TANK: variants seen among roughly 807,000 people sequenced by gnomAD.
The protein encoded by TANK is TRAF family member associated NFKB activator, also known as TRAF family member-associated NF-kappa-B activator.
A neutral mutation model predicts 43.6 loss-of-function variants in TANK; 15 were observed. That is an observed-to-expected ratio of 0.34 (90% CI 0.23 to 0.53). The LOEUF is 0.53. TANK is among the 20% of genes least tolerant of loss of function. TANK has a pLI of 0.94. For missense variants in TANK, 417 were observed against 498.6 expected, an observed-to-expected ratio of 0.84 and a Z score of 1.56; for synonymous variants, 162 against 178.2, an observed-to-expected ratio of 0.91 and a Z score of 0.73.
intron 2 of TANK, chr2:161,202,831 T>C (rs980292686): frequency 2.1e-6 from 1 of 465,396 alleles, no homozygotes; most frequent in Non-Finnish European, 4.4e-6. Flanking sequence ...CAGTACAAAC[T>C]TGTGTCTTTT....
In TANK at chr2:161,175,249, G is replaced by C. The variant is rs545678230; in HGVS notation, c.-49-4365G>C. On this transcript the variant is annotated intron_variant, in intron 1 of 7. Transcript: ENST00000392749. ...AAATATTTTATCAAATAAGCATATTGACCATAACACCCTGGGAGAGCACTT... is the reference window on the plus strand; with the variant it reads ...AAATATTTTATCAAATAAGCATATTCACCATAACACCCTGGGAGAGCACTT... Among the ~76,000 whole-genome samples the C allele has an allele frequency of 3.3e-5, 5 of 152,208 alleles. No individual in the cohort carries two copies. The South Asian group carries it at 1.0e-3, about 32-fold the overall frequency.
chr2:161,169,959 AC>A (rs1684869908), intron 1 of TANK, among the ~76,000 whole-genome samples: 1 of 152,110 alleles, frequency 6.6e-6, no homozygotes, highest in African/African-American at 2.4e-5. Flanking sequence ...CTTTGTTCCG[AC>A]CCTAACCCCA....
chr2:161,190,664 C>T (rs113252764), intron 2 of TANK, among the ~76,000 whole-genome samples: 2 of 152,024 alleles, frequency 1.3e-5, no homozygotes. Context: ...CAGAGTAGAA[C>T]CTTGGAGATG....
chr2:161,226,818 G>T (rs1043518649), intron 6 of TANK, among the ~76,000 whole-genome samples: 2 of 22,404 alleles, frequency 8.9e-5, no homozygotes, highest in African/African-American at 1.5e-4. Context: ...TTTCAGTAGA[G>T]ATTGGGAAGG....
At chr2:161,180,092 T>C in intron 2 of TANK, 1 of 1,015,446 alleles carries the variant, frequency 9.8e-7, no homozygotes, top group Non-Finnish European at 1.2e-6. Context: ...CACAGAAGTA[T>C]CACTGTCTCC....
intron 2 of TANK, among the ~76,000 whole-genome samples, chr2:161,197,156 T>C (rs559232747): frequency 1.3e-5 from 2 of 152,344 alleles, no homozygotes; most frequent in South Asian, 4.1e-4. Context: ...TATCTGTACG[T>C]ACTTGTACAT....
At chr2:161,193,466 T>C (rs1402293670) in intron 2 of TANK, among the ~76,000 whole-genome samples, 2 of 152,182 alleles carry the variant, frequency 1.3e-5, no homozygotes, top group Non-Finnish European at 2.9e-5. Context: ...ATGTGAGTAA[T>C]CCCAGCGCTT....
intron 4 of TANK, chr2:161,207,877 G>A (rs1221920272): frequency 2.0e-6 from 2 of 984,976 alleles, no homozygotes. Flanking sequence ...TGGTTAAGGT[G>A]ATGGTATGAT....
At chr2:161,176,022 G>C (rs182569485) in intron 1 of TANK, among the ~76,000 whole-genome samples, 1 of 152,266 alleles carries the variant, frequency 6.6e-6, no homozygotes, top group East Asian at 1.9e-4. Flanking sequence ...AACTAGGAGA[G>C]TGTTTTCAAG....
intron 6 of TANK, among the ~76,000 whole-genome samples, chr2:161,230,364 A>T (rs1437737580): frequency 6.6e-6 from 1 of 152,334 alleles, no homozygotes; most frequent in African/African-American, 2.4e-5. Context: ...TTAAAAAAAG[A>T]TATAAGATGA....
At chr2:161,188,737 C>T (rs1388520206) in intron 2 of TANK, among the ~76,000 whole-genome samples, 2 of 152,182 alleles carry the variant, frequency 1.3e-5, no homozygotes, top group African/African-American at 4.8e-5. Context: ...ACTAGTATCA[C>T]TTATGAATAT....
chr2:161,149,737 CAT>C (rs1684018983), intron 1 of TANK, among the ~76,000 whole-genome samples: 2 of 103,428 alleles, frequency 1.9e-5, no homozygotes. Flanking sequence ...TGGAGATAAT[CAT>C]GTGGGTTTTT....
At chr2:161,140,122 T>C (rs1042096114) in intron 1 of TANK, among the ~76,000 whole-genome samples, 1 of 152,202 alleles carries the variant, frequency 6.6e-6, no homozygotes, top group Non-Finnish European at 1.5e-5. Context: ...TGAGACTAGC[T>C]TAATAAAGTA....
In TANK at chr2:161,185,419, C is replaced by T. The variant is rs755618485; in HGVS notation, c.99+5658C>T. Among the ~76,000 whole-genome samples, 10 of 151,094 alleles carry T rather than the reference C, an allele frequency of 6.6e-5. No individual in the cohort carries two copies. The East Asian group carries it at 7.8e-4, about 12-fold the overall frequency. ...GAAGAAGTAAAGACAATATAAACCA[C>T]GTGGTTAAAAGCTTGACTGTGCAGA... On this transcript the variant is annotated intron_variant, in intron 2 of 7. Transcript: ENST00000392749.
chr2:161,204,840 A>G, intron 4 of TANK, 47 bp downstream of exon 4: 6 of 1,587,000 alleles, frequency 3.8e-6, no homozygotes, highest in Non-Finnish European at 5.1e-6. Flanking sequence ...CTGATGCGTG[A>G]CATAGCTTCC....
At chr2:161,189,095 G>T (rs1217828104) in intron 2 of TANK, among the ~76,000 whole-genome samples, 1 of 152,122 alleles carries the variant, frequency 6.6e-6, no homozygotes, top group Non-Finnish European at 1.5e-5. Context: ...TGCTATAGCA[G>T]CACAAAACAG....
chr2:161,224,830 C>T (rs1687530019), intron 6 of TANK, 84 bp downstream of exon 6: 2 of 822,622 alleles, frequency 2.4e-6, no homozygotes, highest in South Asian at 2.1e-5. Context: ...TTCCTGAATG[C>T]CTATTAAGTG....
At chr2:161,232,400 T>A (rs12475303) in intron 7 of TANK, among the ~76,000 whole-genome samples, 5,923 of 152,270 alleles carry the variant, frequency 0.039, 231 homozygotes, top group East Asian at 0.17. Flanking sequence ...TTAATTTTTT[T>A]AAAAAAGTTA....
At chr2:161,157,702 G>A (rs1684262186), upstream of TANK, among the ~76,000 whole-genome samples, 1 of 152,148 alleles carries the variant, frequency 6.6e-6, no homozygotes, top group Non-Finnish European at 1.5e-5. Flanking sequence ...AAATATTTTT[G>A]AGACAGAGTC....
Sources: allele counts gnomAD v4.1 joint callset (sites outside exome capture counted in the v4.1 genomes callset), GRCh38; gene constraint gnomAD v4.1.1; transcripts MANE v1.5; gene names NCBI Gene and HGNC (gene_info 2026-07-23, HGNC 2026-07-21).